PVT1: variants seen among roughly 807,000 people sequenced by gnomAD.
The protein encoded by PVT1 is Pvt1 oncogene.
intron 2 of PVT1, among the ~76,000 whole-genome samples, chr8:127,841,301 T>C (rs1424756348): frequency 6.6e-6 from 1 of 152,196 alleles, no homozygotes. Flanking sequence ...CTTGAGACAG[T>C]CTTGCTCTAT....
chr8:128,066,233 C>T (rs1277885893), intron 4 of PVT1, among the ~76,000 whole-genome samples: 3 of 152,190 alleles, frequency 2.0e-5, no homozygotes, highest in Admixed American at 6.5e-5. Context: ...CCATTGTGAG[C>T]AATTCTGGCC....
intron 2 of PVT1, among the ~76,000 whole-genome samples, chr8:127,840,474 C>A (rs1050667905): frequency 6.6e-6 from 1 of 152,244 alleles, no homozygotes; most frequent in African/African-American, 2.4e-5. Context: ...TTTTGAGTTA[C>A]AGCATTTAAA....
intron 3 of PVT1, among the ~76,000 whole-genome samples, chr8:127,935,425 C>A (rs1474744128): frequency 6.6e-6 from 1 of 151,866 alleles, no homozygotes; most frequent in East Asian, 1.9e-4. Flanking sequence ...GAGGCCAGGT[C>A]AGGGTGTGTG....
chr8:127,829,764 C>T (rs1032613099), intron 2 of PVT1, among the ~76,000 whole-genome samples: 3 of 152,200 alleles, frequency 2.0e-5, no homozygotes, highest in Non-Finnish European at 4.4e-5. Context: ...GTGTTCATTT[C>T]CTAGGGCTCA....
chr8:127,913,161 T>G (rs1220276772), intron 3 of PVT1, among the ~76,000 whole-genome samples: 1 of 152,232 alleles, frequency 6.6e-6, no homozygotes, highest in African/African-American at 2.4e-5. Flanking sequence ...CTTCCCTCCC[T>G]TCTTGCTAAC....
At chr8:128,045,064 G>T (rs963675663) in intron 4 of PVT1, among the ~76,000 whole-genome samples, 4 of 152,184 alleles carry the variant, frequency 2.6e-5, no homozygotes, top group Non-Finnish European at 5.9e-5. Flanking sequence ...ATCCCCTCTT[G>T]TCAGATTCAG....
intron 3 of PVT1, among the ~76,000 whole-genome samples, chr8:127,938,074 T>C (rs2129901992): frequency 6.6e-6 from 1 of 152,184 alleles, no homozygotes; most frequent in Admixed American, 6.5e-5. Context: ...TTGTAACCTC[T>C]TCAGGCGACC....
At chr8:128,069,809 T>C (rs1813960134) in intron 4 of PVT1, among the ~76,000 whole-genome samples, 1 of 152,230 alleles carries the variant, frequency 6.6e-6, no homozygotes, top group Non-Finnish European at 1.5e-5. Context: ...CTGGGTTCTC[T>C]GACTGTAAAT....
At chr8:127,825,006 GCT>G (rs1814770953) in intron 2 of PVT1, among the ~76,000 whole-genome samples, 2 of 150,726 alleles carry the variant, frequency 1.3e-5, no homozygotes, top group African/African-American at 4.9e-5. Context: ...TCTAATCCCA[GCT>G]ACTCGGAAGG....
chr8:127,911,810 G>A (rs912610058), intron 3 of PVT1, among the ~76,000 whole-genome samples: 6 of 152,206 alleles, frequency 3.9e-5, no homozygotes, highest in Admixed American at 2.6e-4. Flanking sequence ...CTAGGGGTCC[G>A]CACTATGGGT....
At chr8:127,870,900 T>C (rs975853760) in intron 2 of PVT1, among the ~76,000 whole-genome samples, 1 of 152,208 alleles carries the variant, frequency 6.6e-6, no homozygotes, top group Non-Finnish European at 1.5e-5. Flanking sequence ...TGAGTAGTGT[T>C]GCTGAATATG....
chr8:127,840,824 C>A (rs10217057), intron 2 of PVT1, among the ~76,000 whole-genome samples: 4 of 152,250 alleles, frequency 2.6e-5, no homozygotes, highest in Non-Finnish European at 4.4e-5. Flanking sequence ...TCTCAGGCCA[C>A]GCTACAGCCA....
intron 4 of PVT1, among the ~76,000 whole-genome samples, chr8:128,006,938 A>C (rs553572028): frequency 3.8e-4 from 58 of 152,304 alleles, no homozygotes; most frequent in African/African-American, 1.4e-3. Flanking sequence ...CTCAGTGTAC[A>C]CTTTGCCTGG....
intron 2 of PVT1, among the ~76,000 whole-genome samples, chr8:127,801,585 C>G (rs1814465618): frequency 6.6e-6 from 1 of 152,162 alleles, no homozygotes; most frequent in Non-Finnish European, 1.5e-5. Flanking sequence ...TCTGACTTGG[C>G]TTTTGAAACG....
intron 2 of PVT1, among the ~76,000 whole-genome samples, chr8:127,880,303 T>C (rs1269359476): frequency 3.3e-5 from 5 of 152,144 alleles, no homozygotes; most frequent in Non-Finnish European, 5.9e-5. Context: ...AATTCCTTTT[T>C]TCTTTGAGAC....
At chr8:127,888,310 G>A (rs1222841437) in intron 2 of PVT1, among the ~76,000 whole-genome samples, 1 of 152,206 alleles carries the variant, frequency 6.6e-6, no homozygotes, top group East Asian at 1.9e-4. Context: ...CGCTGCAAGT[G>A]TGTGTGGCTC....
chr8:127,813,085 C>T (rs959122247), intron 2 of PVT1, among the ~76,000 whole-genome samples: 3 of 150,196 alleles, frequency 2.0e-5, no homozygotes, highest in Admixed American at 1.3e-4. Flanking sequence ...GCCCTGACTT[C>T]GTGCCGGTTT....
At chr8:127,983,340 C>A (rs1015940417) in intron 3 of PVT1, among the ~76,000 whole-genome samples, 11 of 152,128 alleles carry the variant, frequency 7.2e-5, no homozygotes, top group South Asian at 2.1e-4. Context: ...TAGTTTTCTA[C>A]GTAATAAATC....
intron 4 of PVT1, among the ~76,000 whole-genome samples, chr8:127,995,453 T>TA (rs1817093532): frequency 6.6e-6 from 1 of 152,242 alleles, no homozygotes; most frequent in Non-Finnish European, 1.5e-5. Context: ...TCTTTTAAGA[T>TA]ACACCCCCCA....
Sources: gnomAD v4.1 joint callset for allele counts (sites outside exome capture counted in the v4.1 genomes callset) on GRCh38, gnomAD v4.1.1 for gene constraint, MANE v1.5 for transcripts, NCBI Gene and HGNC (gene_info 2026-07-23, HGNC 2026-07-21) for gene names.